Variants in THSD4 observed in about 807,000 individuals in gnomAD.
The protein encoded by THSD4 is thrombospondin type-1 domain-containing protein 4.
THSD4 carries 69 observed loss-of-function variants against 119.0 expected under a neutral mutation model. That is an observed-to-expected ratio of 0.58 (90% CI 0.48 to 0.71). The LOEUF (loss-of-function observed/expected upper bound fraction) is 0.71. THSD4 is among the 30% of genes least tolerant of loss of function. The pLI is 0.00. For missense variants in THSD4, 1,393 were observed against 1,391.1 expected, an observed-to-expected ratio of 1.00 and a Z score of -0.02; for synonymous variants, 524 against 540.4, an observed-to-expected ratio of 0.97 and a Z score of 0.42.
Position 71,745,112 on chromosome 15 carries a change from A to C in THSD4, c.1913A>C (p.Gln638Pro). 6 of 1,611,166 alleles carry C rather than the reference A, an allele frequency of 3.7e-6. No individual in the cohort carries two copies. The highest frequency in any genetic ancestry group is 5.1e-6 in the Non-Finnish European group (6 of 1,179,264). The part of the protein sequence containing the change: ...ECSTTCGKGS[Q>P]YPIFRCVHRS... ...CATTCTCCTGTTGTTGCAGGATCGC[A>C]GTACCCTATTTTCCGCTGTGTGCAC... The change falls in exon 12 of 18, where the codon CAG (glutamine) becomes CCG (proline). Residue 638 changes from glutamine to proline, a missense_variant. Gln to Pro is a moderately conservative substitution (Grantham distance 76). Transcript: ENST00000261862.
rs375805806 is a variant in THSD4 at position 71,628,488 on chromosome 15, A to G, written c.1153-32042A>G. Among the ~76,000 whole-genome samples the G allele has an allele frequency of 9.8e-5, 15 of 152,318 alleles. No individual in the cohort carries two copies. In the East Asian group the frequency reaches 2.3e-3, roughly 23 times the overall value. ...ACGGGAATTTGAAGCAAGGTGCACC[A>G]GGTCTCAGCCCATTTGGCAGAGACC... On this transcript the variant is annotated intron_variant, in intron 7 of 17. Transcript: ENST00000261862.
intron 10 of THSD4, chr15:71,733,863 T>A (rs531460245): frequency 1.4e-5 from 2 of 140,140 alleles, no homozygotes; most frequent in South Asian, 4.4e-4. Flanking sequence ...CAGGGTGCAG[T>A]GAGCCTCCTG....
chr15:71,630,919 G>T (rs2050614373), intron 7 of THSD4, among the ~76,000 whole-genome samples: 1 of 152,102 alleles, frequency 6.6e-6, no homozygotes, highest in Non-Finnish European at 1.5e-5. Context: ...TTTGCGGTGG[G>T]GGCTGTCCTG....
intron 9 of THSD4, chr15:71,729,604 T>C (rs556291570): frequency 6.6e-6 from 1 of 152,212 alleles, no homozygotes; most frequent in South Asian, 2.1e-4. Context: ...GGAAGCCTTG[T>C]TGTAGTTTAT....
chr15:71,327,088 A>C (rs2045355756), intron 6 of THSD4, among the ~76,000 whole-genome samples: 1 of 151,710 alleles, frequency 6.6e-6, no homozygotes, highest in Admixed American at 6.6e-5. Flanking sequence ...AATCGCTTGA[A>C]CCCAGGAGGC....
chr15:71,569,855 G>A (rs1466155819), intron 7 of THSD4, among the ~76,000 whole-genome samples: 2 of 152,278 alleles, frequency 1.3e-5, no homozygotes, highest in South Asian at 4.1e-4. Context: ...TTAGCTGAAC[G>A]TGGTGGTGTG....
At chr15:71,493,197 C>A (rs74509295) in intron 7 of THSD4, among the ~76,000 whole-genome samples, 6,432 of 152,298 alleles carry the variant, frequency 0.042, 224 homozygotes, top group African/African-American at 0.1. Flanking sequence ...ATTTCATGGG[C>A]TCTGGGGTAA....
chr15:71,219,196 A>T (rs909851773), intron 4 of THSD4, among the ~76,000 whole-genome samples: 1 of 151,950 alleles, frequency 6.6e-6, no homozygotes, highest in East Asian at 1.9e-4. Flanking sequence ...GACTGTTAGA[A>T]TTTTTTTTCC....
At chr15:71,635,364 AACACACAC>A (rs10565218) in intron 7 of THSD4, among the ~76,000 whole-genome samples, 1 of 150,186 alleles carries the variant, frequency 6.7e-6, no homozygotes, top group African/African-American at 2.5e-5. Context: ...AGTGGGTGGG[AACACACAC>A]ACACACACAC....
chr15:71,472,226 T>C (rs955148126), intron 7 of THSD4, among the ~76,000 whole-genome samples: 2 of 152,162 alleles, frequency 1.3e-5, no homozygotes, highest in African/African-American at 4.8e-5. Context: ...CTAGTAAGTT[T>C]TTTATCCTCC....
intron 6 of THSD4, among the ~76,000 whole-genome samples, chr15:71,305,156 GA>G (rs1215198917): frequency 6.6e-6 from 1 of 152,144 alleles, no homozygotes; most frequent in Non-Finnish European, 1.5e-5. Context: ...TAGGAAAATG[GA>G]AATCACTTGG....
At chr15:71,486,888 T>G (rs2047831649) in intron 7 of THSD4, among the ~76,000 whole-genome samples, 1 of 152,052 alleles carries the variant, frequency 6.6e-6, no homozygotes, top group Non-Finnish European at 1.5e-5. Context: ...CTTTTCGGGG[T>G]CCTGCAAAAC....
intron 8 of THSD4, among the ~76,000 whole-genome samples, chr15:71,709,304 T>C (rs1279688291): frequency 6.6e-6 from 1 of 152,096 alleles, no homozygotes; most frequent in Admixed American, 6.5e-5. Flanking sequence ...AGCCAGTAAT[T>C]AGTGACCAAA....
At chr15:71,608,380 C>G (rs1397194570) in intron 7 of THSD4, among the ~76,000 whole-genome samples, 1 of 152,012 alleles carries the variant, frequency 6.6e-6, no homozygotes, top group Non-Finnish European at 1.5e-5. Flanking sequence ...TATAAATTCT[C>G]TACCATCCTT....
intron 5 of THSD4, among the ~76,000 whole-genome samples, chr15:71,253,344 C>G (rs1430289044): frequency 6.6e-6 from 1 of 152,012 alleles, no homozygotes; most frequent in Non-Finnish European, 1.5e-5. Flanking sequence ...AGATTATAAA[C>G]TGCAAAGATG....
intron 7 of THSD4, among the ~76,000 whole-genome samples, chr15:71,608,222 C>CAAAA (rs1220559216): frequency 2.2e-3 from 104 of 46,744 alleles, no homozygotes; most frequent in South Asian, 0.012. Context: ...AACTCTGTCT[C>CAAAA]AAAAAAAAAA....
chr15:71,409,296 A>G (rs2046651473), intron 6 of THSD4, among the ~76,000 whole-genome samples: 1 of 152,196 alleles, frequency 6.6e-6, no homozygotes, highest in Non-Finnish European at 1.5e-5. Context: ...CCTTGCCCAG[A>G]TGAGGCTGCC....
intron 7 of THSD4, among the ~76,000 whole-genome samples, chr15:71,587,794 AAAAAAG>A (rs1225197718): frequency 0.073 from 5,978 of 81,524 alleles, 121 homozygotes; most frequent in East Asian, 0.17. Flanking sequence ...AATTAAAAAA[AAAAAAG>A]AAAAAAAAAA....
Position 71,396,856 on chromosome 15 carries a change from A to G in THSD4, c.1016-14831A>G, listed in dbSNP as rs2046460804. Among the ~76,000 whole-genome samples, 4 of 152,236 alleles carry G rather than the reference A, an allele frequency of 2.6e-5. No individual in the cohort carries two copies. In the South Asian group the frequency reaches 8.3e-4, roughly 32 times the overall value. ...TTTCAGTCGTTTTTTCCTGCTTTGG[A>G]TTTAATGTGACATGAGAGAAATAGG... On this transcript the variant is annotated intron_variant, in intron 6 of 17. Transcript: ENST00000261862.
Sources: allele counts gnomAD v4.1 joint callset (sites outside exome capture counted in the v4.1 genomes callset), GRCh38; gene constraint gnomAD v4.1.1; transcripts MANE v1.5; gene names NCBI Gene and HGNC (gene_info 2026-07-23, HGNC 2026-07-21).